The following PPP1R12B variants were observed in gnomAD, a reference collection of about 807,000 sequenced individuals.
The protein encoded by PPP1R12B is protein phosphatase 1 regulatory subunit 12B.
In PPP1R12B, 76 loss-of-function variants were observed where a neutral mutation model predicts 126.1. The observed-to-expected ratio is 0.60, with a 90% CI of 0.50 to 0.73. The LOEUF (loss-of-function observed/expected upper bound fraction) is 0.73, where lower values mean the gene tolerates loss of function less well. Among genes scored for constraint, PPP1R12B ranks in the 30% least tolerant of loss-of-function variants. PPP1R12B has a pLI of 0.00. For synonymous variants in PPP1R12B, 356 were observed against 434.7 expected, an observed-to-expected ratio of 0.82 and a Z score of 2.25; for missense variants, 1,052 against 1,205.1, an observed-to-expected ratio of 0.87 and a Z score of 1.88.
rs2148897220 is a variant in PPP1R12B, at chr1:202,512,489, G to A, written c.2490+15667G>A. ...TGGAGCCAGAAGACCTAGGTTCAAA[G>A]CTTGTTGCATCTCTTATTAGCTGGG... On this transcript the variant is annotated intron_variant, in intron 18 of 23. Transcript: ENST00000608999. Among the ~76,000 whole-genome samples the A allele has an allele frequency of 2.0e-5, 3 of 152,284 alleles. 1 individual carries two copies. The South Asian group carries it at 6.2e-4, about 32-fold the overall frequency.
chr1:202,580,656 T>TTAGGGTAGAAGTCTTACATG lies in PPP1R12B; in HGVS notation c.*97_*98insAGGGTAGAAGTCTTACATGT. On this transcript the variant is annotated 3_prime_UTR_variant, in exon 24 of 24. Coordinates refer to ENST00000608999, the MANE Select transcript of PPP1R12B (RefSeq NM_002481.4). ...GCCTTCCAACCAAAAGAAATGGATG[T>TTAGGGTAGAAGTCTTACATG]TTTGGTGGAAGGACACTTCTTTCTA... 9.8e-7 allele frequency: 1 copy of TTAGGGTAGAAGTCTTACATG among 1,021,268 alleles called. No homozygotes were observed. The highest frequency in any genetic ancestry group is 1.5e-6 in the Non-Finnish European group (1 of 655,608). 63.3% of individuals were successfully genotyped at this position (1,021,268 alleles called of 1,614,324 possible). A position where few individuals can be genotyped will look rare whatever the true frequency, so the allele number is the denominator to read the frequency against.
chr1:202,426,005 A>G (rs552705809), intron 4 of PPP1R12B, among the ~76,000 whole-genome samples: 1 of 152,316 alleles, frequency 6.6e-6, no homozygotes, highest in South Asian at 2.1e-4. Context: ...CTGATTTGTC[A>G]TTAATATCCC....
rs1268213897 is a variant in PPP1R12B, at chr1:202,589,403, TG to T, written c.*8844del. The stretch of plus-strand genomic sequence containing the variant: ...TCAGGGAGGGAAGATTCTTCTCCCC[TG>T]ATGTCACCCAGCTGTTTGTAACCCA... On this transcript the variant is annotated 3_prime_UTR_variant, in exon 24 of 24. Coordinates refer to ENST00000608999, the MANE Select transcript of PPP1R12B (RefSeq NM_002481.4). The T allele has an allele frequency of 6.6e-6, 1 of 152,168 alleles. No individual in the cohort carries two copies. The highest frequency in any genetic ancestry group is 1.5e-5 in the Non-Finnish European group (1 of 68,044). The allele number at this position is 152,168 out of a possible 1,614,324, so 9.4% of individuals were successfully genotyped here. A position where few individuals can be genotyped will look rare whatever the true frequency, so the allele number is the denominator to read the frequency against.
At chr1:202,521,584 CAGTT>C (rs1484732879) in intron 18 of PPP1R12B, among the ~76,000 whole-genome samples, 2 of 152,058 alleles carry the variant, frequency 1.3e-5, no homozygotes, top group Admixed American at 1.3e-4. Flanking sequence ...AGTAAAAGAA[CAGTT>C]AGACTGCACA....
intron 1 of PPP1R12B, among the ~76,000 whole-genome samples, chr1:202,378,308 T>C (rs1455411447): frequency 6.6e-6 from 1 of 150,706 alleles, no homozygotes; most frequent in Non-Finnish European, 1.5e-5. Context: ...AGAACTTTCT[T>C]TCAGTCTTAC....
At chr1:202,536,152 A>G (rs1684505117) in intron 18 of PPP1R12B, among the ~76,000 whole-genome samples, 1 of 152,222 alleles carries the variant, frequency 6.6e-6, no homozygotes, top group African/African-American at 2.4e-5. Flanking sequence ...TAAGATAGTA[A>G]TATGGTCACG....
chr1:202,580,364 C>T, intron 23 of PPP1R12B, 110 bp from the exon 24 acceptor site: 2 of 747,714 alleles, frequency 2.7e-6, no homozygotes, highest in Non-Finnish European at 4.8e-6. Flanking sequence ...GAGTTTATTC[C>T]ACACATTGTC....
intron 13 of PPP1R12B, among the ~76,000 whole-genome samples, chr1:202,457,064 T>G (rs1673734232): frequency 6.6e-6 from 1 of 152,206 alleles, no homozygotes; most frequent in Admixed American, 6.5e-5. Context: ...GTATTGAAGA[T>G]AGACACACGT....
intron 18 of PPP1R12B, among the ~76,000 whole-genome samples, chr1:202,498,516 G>C (rs1261904536): frequency 6.6e-6 from 1 of 152,140 alleles, no homozygotes. Context: ...TTTTGTAAAA[G>C]TCTTATATTT....
intron 11 of PPP1R12B, among the ~76,000 whole-genome samples, 184 bp from the exon 12 acceptor site, chr1:202,442,259 TAAAA>T (rs898617957): frequency 5.3e-5 from 8 of 152,216 alleles, no homozygotes; most frequent in Non-Finnish European, 1.2e-4. Context: ...TCAAAGTTGA[TAAAA>T]GAAAGCAGGC....
At chr1:202,430,629 C>T (rs1296327426) in intron 6 of PPP1R12B, 102 bp from the exon 7 acceptor site, 5 of 1,269,372 alleles carry the variant, frequency 3.9e-6, no homozygotes, top group South Asian at 2.9e-5. Flanking sequence ...GGTGTTGGTC[C>T]TATTTTCTTC....
rs1376015998 is a variant in PPP1R12B, at chr1:202,434,671, C to A, written c.1157C>A (p.Ala386Asp). The A allele has an allele frequency of 1.2e-6, 2 of 1,611,678 alleles. No homozygotes were observed. Among genetic ancestry groups the A allele is most frequent in the African/African-American group, 2.7e-5 (2 of 74,742 alleles). ...TEKEADKKPE[A>D]FVNHSNSESK... ...TAAATAACAGATAAAAAGCCAGAAG[C>A]CTTTGTCAATCATTCCAACTCTGAA... Residue 386 changes from alanine to aspartate, a missense_variant, in exon 9 of 24, where the codon GCC becomes GAC. Physicochemically the swap from Ala to Asp is moderately radical, Grantham distance 126 (BLOSUM62 -2). Coordinates refer to ENST00000608999, the MANE Select transcript of PPP1R12B (RefSeq NM_002481.4).
intron 18 of PPP1R12B, among the ~76,000 whole-genome samples, chr1:202,520,262 C>A (rs1293610513): frequency 6.6e-6 from 1 of 152,214 alleles, no homozygotes; most frequent in Non-Finnish European, 1.5e-5. Flanking sequence ...CTAAGCTGTA[C>A]AATGACTTAG....
At chr1:202,491,777 C>T (rs936670147) in intron 14 of PPP1R12B, among the ~76,000 whole-genome samples, 4 of 152,094 alleles carry the variant, frequency 2.6e-5, no homozygotes, top group African/African-American at 7.2e-5. Flanking sequence ...TCTTTGAACT[C>T]GTTGAAATGT....
Position 202,409,750 on chromosome 1 carries a change from A to ATC in PPP1R12B, c.292-7036_292-7035dup, listed in dbSNP as rs934359762. ...GCTATCATAGCTCACTGCAGCCTTG[A>ATC]TCACCTGGGCTCAAGCGATCCTCCC... On this transcript the variant is annotated intron_variant, in intron 1 of 23. Coordinates refer to ENST00000608999, the MANE Select transcript of PPP1R12B (RefSeq NM_002481.4). Among the ~76,000 whole-genome samples the ATC allele has an allele frequency of 1.2e-3, 178 of 152,150 alleles. 2 individuals are homozygous for ATC. The highest frequency in any genetic ancestry group is 0.011 in the Admixed American group (164 of 15,278).
At chr1:202,429,373 C>T (rs1669930176) in intron 6 of PPP1R12B, among the ~76,000 whole-genome samples, 1 of 152,150 alleles carries the variant, frequency 6.6e-6, no homozygotes, top group Non-Finnish European at 1.5e-5. Context: ...AGTAAATACA[C>T]ATAATACTAA....
intron 13 of PPP1R12B, chr1:202,471,867 T>C: frequency 1.3e-6 from 2 of 1,522,832 alleles, no homozygotes; most frequent in Non-Finnish European, 1.8e-6. Context: ...GTGCTTTTAG[T>C]GCTGCTTCCT....
chr1:202,398,889 T>C (rs1026539737), intron 1 of PPP1R12B, among the ~76,000 whole-genome samples: 3 of 152,246 alleles, frequency 2.0e-5, no homozygotes, highest in African/African-American at 7.2e-5. Flanking sequence ...GCTTTCATTC[T>C]GTTAACTTCT....
chr1:202,351,430 G>A (rs549903521), intron 1 of PPP1R12B, among the ~76,000 whole-genome samples: 1 of 152,122 alleles, frequency 6.6e-6, no homozygotes, highest in African/African-American at 2.4e-5. Flanking sequence ...GTAGGGATGG[G>A]GTTTCGCCAT....
Sources: gnomAD v4.1 joint callset for allele counts (sites outside exome capture counted in the v4.1 genomes callset) on GRCh38, gnomAD v4.1.1 for gene constraint, MANE v1.5 for transcripts, NCBI Gene and HGNC (gene_info 2026-07-23, HGNC 2026-07-21) for gene names.